Variants in NUP214 observed in about 807,000 individuals in gnomAD.
NUP214 encodes nucleoporin 214.
A neutral mutation model predicts 196.2 loss-of-function variants in NUP214; 79 were observed. That is an observed-to-expected ratio of 0.40 (90% CI 0.34 to 0.49). The LOEUF (loss-of-function observed/expected upper bound fraction) is 0.49, where lower values mean the gene tolerates loss of function less well. Ranked by LOEUF, NUP214 falls within the 20% of genes least tolerant of loss-of-function variation. NUP214 has a pLI of 0.58. For missense variants in NUP214, 2,468 were observed against 2,539.0 expected, an observed-to-expected ratio of 0.97 and a Z score of 0.60; for synonymous variants, 1,020 against 990.5, an observed-to-expected ratio of 1.03 and a Z score of -0.56.
At chr9:131,164,241 G>A in intron 21 of NUP214, 97 bp downstream of exon 21, 1 of 1,078,818 alleles carries the variant, frequency 9.3e-7, no homozygotes, top group Non-Finnish European at 1.4e-6. Context: ...GTGTGAGCTA[G>A]GGTGCTGTGT....
intron 33 of NUP214, 105 bp from the exon 34 acceptor site, chr9:131,230,525 A>T (rs1174312290): frequency 2.2e-6 from 3 of 1,372,028 alleles, no homozygotes; most frequent in Non-Finnish European, 3.1e-6. Context: ...ACCCTGGATC[A>T]TGAGTGTCGT....
chr9:131,226,646 T>C (rs905817320), intron 32 of NUP214, among the ~76,000 whole-genome samples: 1 of 151,978 alleles, frequency 6.6e-6, no homozygotes, highest in African/African-American at 2.4e-5. Flanking sequence ...CAGTCTGTTA[T>C]ATTTATAACC....
Position 131,189,326 on chromosome 9 carries a change from T to C in NUP214, c.3574+195T>C, listed in dbSNP as rs116586744. On this transcript the variant is annotated intron_variant, in intron 26 of 35. Coordinates refer to ENST00000359428, the MANE Select transcript of NUP214 (RefSeq NM_005085.4). ...CAGCTAATGAAGAATTTCTAGAAAA[T>C]TAGTATGCCCTTCAATGGCTATGTA... Among the ~76,000 whole-genome samples, 346 of 152,254 alleles carry C rather than the reference T, an allele frequency of 2.3e-3. 4 individuals carry two copies. Among genetic ancestry groups the C allele is most frequent in the African/African-American group, 8.0e-3 (332 of 41,548 alleles).
chr9:131,181,877 C>T (rs182626084), intron 24 of NUP214, among the ~76,000 whole-genome samples: 255 of 152,230 alleles, frequency 1.7e-3, no homozygotes, highest in African/African-American at 5.9e-3. Flanking sequence ...TGTAAGAAAC[C>T]ATTGCCTAAT....
intron 25 of NUP214, 29 bp from the exon 26 acceptor site, chr9:131,189,024 A>G (rs1282586316): frequency 5.3e-6 from 8 of 1,511,772 alleles, no homozygotes; most frequent in Admixed American, 1.7e-5. Context: ...GTGGTTTAAC[A>G]TAAACATTTT....
At position 131,144,495 on chromosome 9, in the gene NUP214, A is replaced by G. The variant is rs552197152; in HGVS notation, c.1510A>G (p.Ser504Gly). The G allele has an allele frequency of 1.5e-5, 24 of 1,614,144 alleles. No homozygotes were observed. The highest frequency in any genetic ancestry group is 1.9e-5 in the Non-Finnish European group (22 of 1,180,014). The change falls in exon 12 of 36, where the codon AGT (serine) becomes GGT (glycine). Residue 504 changes from serine to glycine, a missense_variant. Ser to Gly is a moderately conservative substitution (Grantham distance 56). Around this residue, in one of 5 missense-constraint regions of NUP214, gnomAD observed 1,801 missense variants for 1,779.4 expected, o/e 1.01. Transcript: ENST00000359428. ...TVTGEPPSYS[S>G]GSDSSKAAPG... ...CACTGGGGAGCCCCCTTCATATTCC[A>G]GTGGCTCCGACAGCTCCAAAGCAGC...
chr9:131,134,911 A>C lies in NUP214; in HGVS notation c.845A>C (p.Lys282Thr). The C allele has an allele frequency of 6.2e-7, 1 of 1,613,256 alleles. No homozygotes were observed. The highest frequency in any genetic ancestry group is 8.5e-7 in the Non-Finnish European group (1 of 1,179,424). ...TGTTCATTGTAGAAAAAAGAAGAAA[A>C]GCACCCAGAGATATTTGTGAACTTT... ...VMALLPKKEE[K>T]HPEIFVNFME... The change falls in exon 8 of 36, where the codon AAG becomes ACG. Residue 282 changes from lysine (K) to threonine (T), a missense_variant. Physicochemically the swap from Lys to Thr is moderately conservative, Grantham distance 78 (BLOSUM62 -1). Transcript: ENST00000359428.
At chr9:131,174,346 T>G in intron 22 of NUP214, 28 bp downstream of exon 22, 2 of 1,598,838 alleles carry the variant, frequency 1.3e-6, no homozygotes, top group South Asian at 2.3e-5. Context: ...AAGGAAACTG[T>G]TTTTCCCTAT....
chr9:131,177,513 T>C (rs1254084683), intron 23 of NUP214, among the ~76,000 whole-genome samples: 1 of 152,168 alleles, frequency 6.6e-6, no homozygotes, highest in African/African-American at 2.4e-5. Context: ...ATATGAAATA[T>C]GAAAGATGTG....
chr9:131,151,682 A>G (rs1832270614), intron 16 of NUP214, 54 bp from the exon 17 acceptor site: 9 of 1,413,942 alleles, frequency 6.4e-6, no homozygotes, highest in Middle Eastern at 2.5e-4. Flanking sequence ...ATCCAAACAG[A>G]AAGATTTGGA....
Position 131,174,217 on chromosome 9 carries a change from T to A in NUP214, c.3056T>A (p.Val1019Asp). ...VVQAPRHAPV[V>D]RTPSIQPSLL... ...CAGGCCCCTCGGCACGCCCCCGTGG[T>A]TCGCACTCCTTCCATCCAGCCCAGT... The change falls in exon 22 of 36, where the codon GTT (valine) becomes GAT (aspartate). Residue 1019 changes from valine (V) to aspartate (D), a missense_variant. By Grantham distance (152) the Val-to-Asp change is radical. Transcript: ENST00000359428. The A allele has an allele frequency of 6.2e-7, 1 of 1,613,926 alleles. No homozygotes were observed. Among genetic ancestry groups the A allele is most frequent in the Non-Finnish European group, 8.5e-7 (1 of 1,179,960 alleles).
intron 32 of NUP214, among the ~76,000 whole-genome samples, chr9:131,223,727 ATTTTTTT>A (rs529624907): frequency 3.8e-4 from 6 of 15,660 alleles, no homozygotes; most frequent in African/African-American, 9.1e-4. Context: ...TTATTTATTT[ATTTTTTT>A]TTTTTTTTTT....
At chr9:131,176,750 G>A (rs1022992184) in intron 23 of NUP214, among the ~76,000 whole-genome samples, 10 of 151,996 alleles carry the variant, frequency 6.6e-5, no homozygotes, top group East Asian at 3.8e-4. Flanking sequence ...TACTTTCTAC[G>A]TTAATGTACA....
intron 30 of NUP214, among the ~76,000 whole-genome samples, chr9:131,205,063 ATAAT>A (rs1021859458): frequency 2.0e-5 from 3 of 152,200 alleles, no homozygotes; most frequent in Non-Finnish European, 2.9e-5. Flanking sequence ...AAATACTGAA[ATAAT>A]TTATGTCTAG....
At chr9:131,152,692 T>C (rs1371625485) in intron 17 of NUP214, among the ~76,000 whole-genome samples, 1 of 152,100 alleles carries the variant, frequency 6.6e-6, no homozygotes, top group African/African-American at 2.4e-5. Flanking sequence ...TTGTCCAAAG[T>C]CATGTTGGCT....
chr9:131,147,854 A>G (rs1001018244), intron 14 of NUP214, among the ~76,000 whole-genome samples: 3 of 152,256 alleles, frequency 2.0e-5, no homozygotes, highest in Admixed American at 2.0e-4. Context: ...ACAACTGAAC[A>G]TACCTTGGTA....
At position 131,140,655 on chromosome 9, in the gene NUP214, C is replaced by T; in HGVS notation, c.1239C>T (p.Leu413=). The T allele has an allele frequency of 6.2e-7, 1 of 1,614,088 alleles. No individual in the cohort carries two copies. Among genetic ancestry groups the T allele is most frequent in the Non-Finnish European group, 8.5e-7 (1 of 1,179,984 alleles). The change falls in exon 11 of 36, where the codon CTC becomes CTT. Residue 413 remains leucine (L), a synonymous_variant. Transcript: ENST00000359428. ...MINQNPGVKS[L]IKTPERLSLE... ...ATCAAAATCCTGGGGTTAAGTCTCT[C>T]ATCAAAACACCAGAGCGACTTTCAT...
chr9:131,215,934 C>G (rs1216801185), intron 31 of NUP214, among the ~76,000 whole-genome samples: 1 of 131,062 alleles, frequency 7.6e-6, no homozygotes, highest in Non-Finnish European at 1.6e-5. Context: ...CAGAGTTTCA[C>G]TCTTGTTGCC....
In NUP214 at chr9:131,132,676, TTATTGGGCTGACCTC is replaced by T; in HGVS notation, c.727+20_727+34del. 1 of 1,607,442 alleles carries T rather than the reference TTATTGGGCTGACCTC, an allele frequency of 6.2e-7. No individual in the cohort carries two copies. The highest frequency in any genetic ancestry group is 8.5e-7 in the Non-Finnish European group (1 of 1,173,892). ...CTGTCAGAGGTAACAACTGCTTTTC[TTATTGGGCTGACCTC>T]TAATGACATGTTATGTATATTACAG... On this transcript the variant is annotated intron_variant, in intron 6 of 35. Transcript: ENST00000359428.
Sources: allele counts gnomAD v4.1 joint callset (sites outside exome capture counted in the v4.1 genomes callset), GRCh38; gene constraint gnomAD v4.1.1; regional missense constraint gnomAD v4.1.1; transcripts MANE v1.5; gene names NCBI Gene and HGNC (gene_info 2026-07-23, HGNC 2026-07-21).